PERP: variants seen among roughly 807,000 people sequenced by gnomAD.
PERP encodes the protein p53 apoptosis effector related to PMP-22.
In PERP, 11 loss-of-function variants were observed where a neutral mutation model predicts 20.3. The observed-to-expected ratio is 0.54, with a 90% CI of 0.34 to 0.90. The LOEUF (loss-of-function observed/expected upper bound fraction) is 0.90, where lower values mean the gene tolerates loss of function less well. Ranked by LOEUF, PERP falls within the 40% of genes least tolerant of loss-of-function variation. The pLI is 0.02. For synonymous variants in PERP, 101 were observed against 102.0 expected (o/e 0.99, Z 0.06); for missense variants, 224 against 249.4 (o/e 0.90, Z 0.69).
At position 138,088,648 on chromosome 6, in the gene PERP, C is replaced by T. The variant is rs1364127995; in HGVS notation, c.*3394G>A. 6.6e-6 allele frequency: 1 copy of T among 152,122 alleles called. No individual in the cohort carries two copies. The highest frequency in any genetic ancestry group is 1.5e-5 in the Non-Finnish European group (1 of 68,060). 9.4% of individuals were successfully genotyped at this position (152,122 alleles called of 1,614,324 possible). On this transcript the variant is annotated 3_prime_UTR_variant, in exon 3 of 3. Coordinates refer to ENST00000421351, the MANE Select transcript of PERP (RefSeq NM_022121.5). ...TTCCCTTTCTTGGCTTTTTCCACAC[C>T]CTAGGTGGATTACACTCACCCTGAC...
intron 1 of PERP, among the ~76,000 whole-genome samples, chr6:138,105,462 C>A (rs1468915777): frequency 6.6e-6 from 1 of 152,218 alleles, no homozygotes; most frequent in African/African-American, 2.4e-5. Context: ...TGGAACACCA[C>A]ACCCTAAAAA....
chr6:138,100,542 TTGTGTGTGTG>T (rs58385691), intron 1 of PERP, among the ~76,000 whole-genome samples: 6 of 146,176 alleles, frequency 4.1e-5, no homozygotes, highest in African/African-American at 7.5e-5. Flanking sequence ...TATACCAGAT[TTGTGTGTGTG>T]TGTGTGTGTG....
chr6:138,095,816 C>A (rs781121659), intron 2 of PERP, among the ~76,000 whole-genome samples: 6 of 152,186 alleles, frequency 3.9e-5, no homozygotes, highest in Admixed American at 6.5e-5. Flanking sequence ...TTCTTCACAT[C>A]ACCTGTGTCT....
intron 1 of PERP, among the ~76,000 whole-genome samples, chr6:138,102,971 C>A (rs905383875): frequency 1.3e-5 from 2 of 151,434 alleles, no homozygotes. Flanking sequence ...TGGTGGCGGG[C>A]GCCTGTAGTC....
At chr6:138,103,098 C>CA (rs10651274) in intron 1 of PERP, among the ~76,000 whole-genome samples, 52 of 146,996 alleles carry the variant, frequency 3.5e-4, no homozygotes, top group Admixed American at 1.3e-3. Context: ...GACTCCGTCT[C>CA]AAAAAAAAAA....
At chr6:138,106,622 G>T (rs955127399) in intron 1 of PERP, among the ~76,000 whole-genome samples, 1 of 152,170 alleles carries the variant, frequency 6.6e-6, no homozygotes, top group Non-Finnish European at 1.5e-5. Flanking sequence ...TATTGAAAAC[G>T]TTAACTGCTA....
At chr6:138,100,876 A>T (rs1001162625) in intron 1 of PERP, among the ~76,000 whole-genome samples, 1 of 152,182 alleles carries the variant, frequency 6.6e-6, no homozygotes, top group African/African-American at 2.4e-5. Flanking sequence ...CAAAGATTCA[A>T]CATTAAATCA....
In PERP at chr6:138,107,368, A is replaced by G. The variant is rs1775863695; in HGVS notation, c.-28T>C. The G allele has an allele frequency of 6.7e-7, 1 of 1,492,618 alleles. No homozygotes were observed. The allele number at this position is 1,492,618 out of a possible 1,614,324, so 92.5% of individuals were successfully genotyped here. ...TGACGGGCGGCGCGGGGCCGAGCGGAGCGGAGCGGAGCGGGTCGGAGGAGC... is the reference window on the plus strand; with the variant it reads ...TGACGGGCGGCGCGGGGCCGAGCGGGGCGGAGCGGAGCGGGTCGGAGGAGC... On this transcript the variant is annotated 5_prime_UTR_variant, in exon 1 of 3. Transcript: ENST00000421351. The surrounding 1 kb of genome is among the most constrained non-coding windows in gnomAD (Gnocchi z 4.8).
At chr6:138,105,425 T>C (rs984862399) in intron 1 of PERP, among the ~76,000 whole-genome samples, 1 of 152,228 alleles carries the variant, frequency 6.6e-6, no homozygotes, top group African/African-American at 2.4e-5. Context: ...TTGCCTTCCA[T>C]ATACAAAGCA....
Position 138,096,344 on chromosome 6 carries a change from A to G in PERP, c.355+10T>C. ...GGCATAAATGAAGAATTGCTGACAC[A>G]CAGTCTTACCAGCCAAGGCAAGGAG... On this transcript the variant is annotated intron_variant, in intron 2 of 2. Transcript: ENST00000421351. 1 of 1,613,610 alleles carries G rather than the reference A, an allele frequency of 6.2e-7. No homozygotes were observed. The highest frequency in any genetic ancestry group is 8.5e-7 in the Non-Finnish European group (1 of 1,179,750).
chr6:138,092,003 T>C lies in PERP; in HGVS notation c.*39A>G. ...AAACAGTTTCTTCTTCTGGAGTCCA[T>C]CTCAGCAGCAGCGATTTTCTCCCAC... On this transcript the variant is annotated 3_prime_UTR_variant, in exon 3 of 3. Transcript: ENST00000421351. The C allele has an allele frequency of 6.3e-7, 1 of 1,582,050 alleles. No individual in the cohort carries two copies. The highest frequency in any genetic ancestry group is 8.7e-7 in the Non-Finnish European group (1 of 1,155,912).
intron 2 of PERP, among the ~76,000 whole-genome samples, chr6:138,094,934 T>C (rs477234): frequency 0.47 from 71,150 of 151,858 alleles, 17,967 homozygotes; most frequent in East Asian, 0.9. Context: ...TTGGCCAGGC[T>C]GGTCTCGAAC....
In PERP at chr6:138,107,399, G is replaced by A; in HGVS notation, c.-59C>T. On this transcript the variant is annotated 5_prime_UTR_variant, in exon 1 of 3. Transcript: ENST00000421351. This position sits in a 1 kb window ranked among gnomAD's most constrained non-coding sequence, Gnocchi z 4.8. ...GCGGAGCGGGTCGGAGGAGCGCGCGGGACGGGCGACAGCAGAGAGTGGCCT... is the reference window on the plus strand; with the variant it reads ...GCGGAGCGGGTCGGAGGAGCGCGCGAGACGGGCGACAGCAGAGAGTGGCCT... 1.5e-6 allele frequency: 2 copies of A among 1,366,358 alleles called. No individual in the cohort carries two copies. Among genetic ancestry groups the A allele is most frequent in the Non-Finnish European group, 1.9e-6 (2 of 1,051,288 alleles). The allele number at this position is 1,366,358 out of a possible 1,614,324, so 84.6% of individuals were successfully genotyped here.
At position 138,092,234 on chromosome 6, in the gene PERP, G is replaced by A. The variant is rs146054973; in HGVS notation, c.390C>T (p.Pro130=). 2.2e-5 allele frequency: 35 copies of A among 1,613,950 alleles called. No homozygotes were observed. Among genetic ancestry groups the A allele is most frequent in the East Asian group, 2.0e-4 (9 of 44,894 alleles). The part of the protein sequence containing the change: ...VFQIISLVIY[P]VKYTQTFTLH... ...GGGTGAAGGTCTGGGTGTACTTCAC[G>A]GGGTAAATTACCAGGGAGATGATCT... is the stretch of plus-strand genomic sequence containing the variant. The change falls in exon 3 of 3, where the codon CCC becomes CCT. Residue 130 remains proline, a synonymous_variant. Transcript: ENST00000421351.
intron 2 of PERP, among the ~76,000 whole-genome samples, chr6:138,093,114 A>G (rs1041081571): frequency 1.3e-5 from 2 of 152,242 alleles, no homozygotes; most frequent in Admixed American, 6.5e-5. Context: ...GGTCTTTTTC[A>G]ATGGACATGC....
chr6:138,100,666 A>C (rs998318758), intron 1 of PERP, among the ~76,000 whole-genome samples: 2 of 152,138 alleles, frequency 1.3e-5, no homozygotes, highest in Non-Finnish European at 2.9e-5. Context: ...CCAGGTAAAT[A>C]GATGCTGCGT....
rs1303369720 is a variant in PERP, at chr6:138,090,963, C to T, written c.*1079G>A. 2 of 152,530 alleles carry T rather than the reference C, an allele frequency of 1.3e-5. No homozygotes were observed. Among genetic ancestry groups the T allele is most frequent in the Non-Finnish European group, 1.5e-5 (1 of 68,020 alleles). 9.4% of individuals were successfully genotyped at this position (152,530 alleles called of 1,614,324 possible). Reference sequence around the variant, plus strand: ...ATCATATATATGCTATTCAGAGAAACTCAAATCCCCGAATTCTCCTGTGGC... The same window carrying T: ...ATCATATATATGCTATTCAGAGAAATTCAAATCCCCGAATTCTCCTGTGGC... On this transcript the variant is annotated 3_prime_UTR_variant, in exon 3 of 3. Transcript: ENST00000421351.
intron 1 of PERP, among the ~76,000 whole-genome samples, chr6:138,104,620 T>C (rs1342368166): frequency 1.3e-5 from 2 of 152,232 alleles, no homozygotes; most frequent in Non-Finnish European, 2.9e-5. Flanking sequence ...CACTTTGTAA[T>C]AACAAGATTT....
chr6:138,103,015 T>C (rs545298465), intron 1 of PERP, among the ~76,000 whole-genome samples: 1 of 151,316 alleles, frequency 6.6e-6, no homozygotes, highest in South Asian at 2.1e-4. Context: ...AGGAGAATGG[T>C]GTGAACCCGG....
Sources: allele counts gnomAD v4.1 joint callset (sites outside exome capture counted in the v4.1 genomes callset), GRCh38; gene constraint gnomAD v4.1.1; non-coding constraint Gnocchi (gnomAD v3.1); transcripts MANE v1.5; gene names NCBI Gene and HGNC (gene_info 2026-07-23, HGNC 2026-07-21).